The following CEP112 variants were observed in gnomAD, a reference collection of about 807,000 sequenced individuals.
CEP112 encodes the protein centrosomal protein 112, also known as centrosomal protein of 112 kDa.
A neutral mutation model predicts 153.0 loss-of-function variants in CEP112; 127 were observed. The observed-to-expected ratio is 0.83, with a 90% CI of 0.72 to 0.96. The LOEUF is 0.96. CEP112 is among the 40% of genes least tolerant of loss of function. The pLI, the probability that CEP112 is intolerant of heterozygous loss-of-function variation, is 0.00. For synonymous variants in CEP112, 358 were observed against 374.4 expected (o/e 0.96, Z 0.51); for missense variants, 1,089 against 1,101.2 (o/e 0.99, Z 0.16).
chr17:65,971,451 A>G (rs67459918), intron 17 of CEP112, among the ~76,000 whole-genome samples: 62,877 of 145,426 alleles, frequency 0.43, 14,427 homozygotes, highest in East Asian at 0.87. Flanking sequence ...TGCCGCATGC[A>G]TGCATATCAC....
At position 66,020,967 on chromosome 17, in the gene CEP112, T is replaced by C. The variant is rs542610137; in HGVS notation, c.1656+6534A>G. On this transcript the variant is annotated intron_variant, in intron 16 of 26. Transcript: ENST00000535342. ...GAAGAGAAGGTGAGCAGGGAGACAG[T>C]GGCTAGGTCTGGTTGAGAACTGAGT... Among the ~76,000 whole-genome samples the C allele has an allele frequency of 1.4e-4, 21 of 152,164 alleles. No homozygotes were observed. In the South Asian group the frequency reaches 4.2e-3, roughly 30 times the overall value.
chr17:65,879,068 A>G (rs1298978488), intron 20 of CEP112, among the ~76,000 whole-genome samples: 2 of 152,252 alleles, frequency 1.3e-5, no homozygotes, highest in Admixed American at 1.3e-4. Context: ...CCATCTGCGT[A>G]AACTGAATAA....
intron 20 of CEP112, among the ~76,000 whole-genome samples, chr17:65,863,752 AAAAAAAAAG>A (rs2058389159): frequency 6.6e-6 from 1 of 150,612 alleles, no homozygotes; most frequent in African/African-American, 2.4e-5. Flanking sequence ...TCTGTCTCAA[AAAAAAAAAG>A]AAAAAAAAAA....
chr17:65,919,931 G>A (rs2060640119), intron 19 of CEP112, among the ~76,000 whole-genome samples: 1 of 152,064 alleles, frequency 6.6e-6, no homozygotes, highest in South Asian at 2.1e-4. Context: ...CAGGCCTCAG[G>A]TTCAGGTTCC....
At position 65,987,109 on chromosome 17, in the gene CEP112, T is replaced by C. The variant is rs545227962; in HGVS notation, c.1736+18581A>G. Among the ~76,000 whole-genome samples the C allele has an allele frequency of 3.6e-4, 55 of 152,182 alleles. 1 individual carries two copies. The Middle Eastern group carries it at 0.01, about 28-fold the overall frequency. On this transcript the variant is annotated intron_variant, in intron 17 of 26. Coordinates refer to ENST00000535342, the MANE Select transcript of CEP112 (RefSeq NM_001199165.4). ...ACAGAATAAAAATATACCATCAAAA[T>C]AATCTAATATCCAGAAGAAAATATC...
intron 24 of CEP112, among the ~76,000 whole-genome samples, chr17:65,682,558 C>T (rs1431724198): frequency 6.6e-6 from 1 of 152,212 alleles, no homozygotes; most frequent in Admixed American, 6.5e-5. Context: ...GACTGAACTG[C>T]TCAGCATTCC....
At chr17:65,778,763 T>C (rs2053834705) in intron 21 of CEP112, among the ~76,000 whole-genome samples, 1 of 152,232 alleles carries the variant, frequency 6.6e-6, no homozygotes, top group African/African-American at 2.4e-5. Flanking sequence ...ACTATACTTT[T>C]TATTTTTTGT....
rs188082382 is a variant in CEP112 at position 66,050,694 on chromosome 17, T to G, written c.1218+3042A>C. Among the ~76,000 whole-genome samples, 7 of 152,316 alleles carry G rather than the reference T, an allele frequency of 4.6e-5. No homozygotes were observed. The East Asian group carries it at 1.4e-3, about 29-fold the overall frequency. On this transcript the variant is annotated intron_variant, in intron 12 of 26. Transcript: ENST00000535342. ...CTTAAATAGGCCTTCTAGCAATTTA[T>G]GTGTTGAAGGGCCACTTATCAGCCC...
intron 18 of CEP112, among the ~76,000 whole-genome samples, chr17:65,945,309 G>A (rs987113969): frequency 6.6e-6 from 1 of 152,080 alleles, no homozygotes. Flanking sequence ...GCATTTTCCA[G>A]TTTTTTTACT....
At chr17:65,760,200 G>A (rs1432435268) in intron 21 of CEP112, among the ~76,000 whole-genome samples, 1 of 152,092 alleles carries the variant, frequency 6.6e-6, no homozygotes, top group East Asian at 1.9e-4. Flanking sequence ...CACATCATCT[G>A]CAAACAAAGA....
intron 24 of CEP112, among the ~76,000 whole-genome samples, chr17:65,683,812 G>C (rs1359596138): frequency 6.6e-6 from 1 of 152,180 alleles, no homozygotes; most frequent in East Asian, 1.9e-4. Context: ...GGAAGGCCGA[G>C]GCAGGCAGAT....
At chr17:66,006,318 T>C (rs539707147) in intron 16 of CEP112, among the ~76,000 whole-genome samples, 1 of 152,122 alleles carries the variant, frequency 6.6e-6, no homozygotes, top group South Asian at 2.1e-4. Context: ...AAATGAAAAT[T>C]TGTCTTCGGC....
intron 21 of CEP112, among the ~76,000 whole-genome samples, chr17:65,822,844 C>G (rs1192526264): frequency 6.6e-6 from 1 of 151,906 alleles, no homozygotes; most frequent in Admixed American, 6.6e-5. Flanking sequence ...TAGAAAAATT[C>G]CAAGGAATCT....
At chr17:66,149,808 CTTCT>C (rs1469737117) in intron 4 of CEP112, among the ~76,000 whole-genome samples, 1 of 148,434 alleles carries the variant, frequency 6.7e-6, no homozygotes, top group Non-Finnish European at 1.5e-5. Flanking sequence ...TATTTCCTTC[CTTCT>C]GTTAGCTTTA....
intron 21 of CEP112, among the ~76,000 whole-genome samples, chr17:65,824,757 G>A (rs977356061): frequency 2.0e-5 from 3 of 152,164 alleles, no homozygotes; most frequent in African/African-American, 7.2e-5. Context: ...AGCACAGACT[G>A]TTATCTGTGG....
At position 65,718,474 on chromosome 17, in the gene CEP112, T is replaced by C. The variant is rs376063624; in HGVS notation, c.2607+24594A>G. Among the ~76,000 whole-genome samples, 77 of 152,282 alleles carry C rather than the reference T, an allele frequency of 5.1e-4. 1 individual carries two copies. In the Middle Eastern group the frequency reaches 0.014, roughly 27 times the overall value. Reference sequence around the variant, plus strand: ...AATCAATGATGGGGTTTTTGCAAAGTACCTCCTTCAACTCATCCCATTACA... The same window carrying C: ...AATCAATGATGGGGTTTTTGCAAAGCACCTCCTTCAACTCATCCCATTACA... On this transcript the variant is annotated intron_variant, in intron 23 of 26. Transcript: ENST00000535342.
At chr17:65,934,364 A>G (rs2061234392) in intron 18 of CEP112, among the ~76,000 whole-genome samples, 1 of 152,208 alleles carries the variant, frequency 6.6e-6, no homozygotes, top group Non-Finnish European at 1.5e-5. Flanking sequence ...TGGTAACCAC[A>G]AAGTAAAAAC....
chr17:65,817,875 G>T (rs1351052934), intron 21 of CEP112, among the ~76,000 whole-genome samples: 1 of 151,706 alleles, frequency 6.6e-6, no homozygotes, highest in Non-Finnish European at 1.5e-5. Flanking sequence ...GCTTACCCCA[G>T]GTAAGCTTTT....
At chr17:66,127,007 A>G (rs147327818) in intron 6 of CEP112, among the ~76,000 whole-genome samples, 69 of 152,324 alleles carry the variant, frequency 4.5e-4, no homozygotes, top group African/African-American at 1.6e-3. Context: ...AAATTATTCT[A>G]TTTAAAGAGA....
Sources: allele counts gnomAD v4.1 joint callset (sites outside exome capture counted in the v4.1 genomes callset), GRCh38; gene constraint gnomAD v4.1.1; transcripts MANE v1.5; gene names NCBI Gene and HGNC (gene_info 2026-07-23, HGNC 2026-07-21).